TNFRSF13B: variants seen among roughly 807,000 people sequenced by gnomAD.
TNFRSF13B encodes TNF receptor superfamily member 13B, also known as tumor necrosis factor receptor superfamily member 13B.
TNFRSF13B carries 34 observed loss-of-function variants against 24.0 expected under a neutral mutation model. The observed-to-expected ratio is 1.41, with a 90% CI of 1.08 to 1.88. The LOEUF is 1.88. Ranked by LOEUF, TNFRSF13B falls within the 40% of genes most tolerant of loss-of-function variation. The pLI is 0.00. For missense variants in TNFRSF13B, 415 were observed against 380.8 expected (o/e 1.09, Z -0.75); for synonymous variants, 173 against 150.3 (o/e 1.15, Z -1.10).
At position 16,939,374 on chromosome 17, in the gene TNFRSF13B, C is replaced by CTCTCTGCCTCTCTTCCT. The variant is rs2087488951; in HGVS notation, c.*172_*173insAGGAAGAGAGGCAGAGA. 9.5e-6 allele frequency: 7 copies of CTCTCTGCCTCTCTTCCT among 739,364 alleles called. No individual in the cohort carries two copies. In the Admixed American group the frequency reaches 1.4e-4, roughly 14 times the overall value. The allele number at this position is 739,364 out of a possible 1,614,324, so 45.8% of individuals were successfully genotyped here. ...CTCTTTCCCTCTCTGCCTCTCTTCCCCTCTGTCTCTCTCTCCCTCTGTCTC... is the reference window on the plus strand; with the variant it reads ...CTCTTTCCCTCTCTGCCTCTCTTCCCTCTCTGCCTCTCTTCCTCTCTGTCTCTCTCTCCCTCTGTCTC... On this transcript the variant is annotated 3_prime_UTR_variant, in exon 5 of 5. Transcript: ENST00000261652.
intron 2 of TNFRSF13B, 127 bp downstream of exon 2, chr17:16,952,319 G>A: frequency 7.3e-7 from 1 of 1,368,256 alleles, no homozygotes; most frequent in Non-Finnish European, 1.0e-6. Flanking sequence ...GGGGTAAGAG[G>A]TGCCACACTG....
chr17:16,971,969 C>G, intron 1 of TNFRSF13B, 46 bp downstream of exon 1: 1 of 1,608,248 alleles, frequency 6.2e-7, no homozygotes, highest in East Asian at 2.2e-5. Flanking sequence ...CCCAACCCTC[C>G]TCACACCTCC....
chr17:16,962,535 AAAG>A (rs975341034), intron 1 of TNFRSF13B, among the ~76,000 whole-genome samples: 3 of 152,078 alleles, frequency 2.0e-5, no homozygotes, highest in African/African-American at 7.3e-5. Flanking sequence ...AAGAAAAAAA[AAAG>A]AAAGGAAAAG....
intron 1 of TNFRSF13B, among the ~76,000 whole-genome samples, chr17:16,968,636 C>T (rs1465752812): frequency 6.6e-6 from 1 of 152,182 alleles, no homozygotes; most frequent in Non-Finnish European, 1.5e-5. Context: ...AGTAAATCTT[C>T]ATGATTTGAG....
intron 3 of TNFRSF13B, among the ~76,000 whole-genome samples, chr17:16,946,910 C>T (rs572110842): frequency 3.9e-5 from 6 of 152,150 alleles, no homozygotes; most frequent in African/African-American, 1.4e-4. Flanking sequence ...AATTTTTTTT[C>T]CCTCTGGCAG....
chr17:16,939,377 CTG>C lies in TNFRSF13B; in HGVS notation c.*168_*169del. ...TTTCCCTCTCTGCCTCTCTTCCCCTCTGTCTCTCTCTCCCTCTGTCTCTCTCT... is the reference window on the plus strand; with the variant it reads ...TTTCCCTCTCTGCCTCTCTTCCCCTCTCTCTCTCTCCCTCTGTCTCTCTCT... On this transcript the variant is annotated 3_prime_UTR_variant, in exon 5 of 5. Transcript: ENST00000261652. The C allele has an allele frequency of 1.0e-5, 8 of 778,296 alleles. No individual in the cohort carries two copies. Among genetic ancestry groups the C allele is most frequent in the Non-Finnish European group, 1.3e-5 (7 of 520,016 alleles). The allele number at this position is 778,296 out of a possible 1,614,324, so 48.2% of individuals were successfully genotyped here.
chr17:16,952,671 C>G, intron 1 of TNFRSF13B, 88 bp from the exon 2 acceptor site: 1 of 1,588,368 alleles, frequency 6.3e-7, no homozygotes, highest in East Asian at 2.3e-5. Context: ...CCTCTCCTGC[C>G]CACATTCGCA....
At chr17:16,955,932 T>C in intron 1 of TNFRSF13B, among the ~76,000 whole-genome samples, 1 of 152,248 alleles carries the variant, frequency 6.6e-6, no homozygotes, top group East Asian at 1.9e-4. Flanking sequence ...AGGACCCTTG[T>C]CCGCCAAATA....
At chr17:16,962,834 C>T (rs550915516) in intron 1 of TNFRSF13B, among the ~76,000 whole-genome samples, 9 of 152,200 alleles carry the variant, frequency 5.9e-5, no homozygotes, top group South Asian at 2.1e-4. Context: ...CAACTGAAAA[C>T]GCACCCCTCC....
At chr17:16,948,667 G>A in intron 3 of TNFRSF13B, 71 bp downstream of exon 3, 1 of 1,608,304 alleles carries the variant, frequency 6.2e-7, no homozygotes, top group Non-Finnish European at 8.5e-7. Context: ...TCCTGTTCTA[G>A]GCCTGGCATC....
chr17:16,945,418 G>A (rs1161203138), intron 3 of TNFRSF13B, among the ~76,000 whole-genome samples: 1 of 152,182 alleles, frequency 6.6e-6, no homozygotes, highest in East Asian at 1.9e-4. Context: ...GTTGCAGAGG[G>A]GACAAACTTT....
intron 1 of TNFRSF13B, among the ~76,000 whole-genome samples, chr17:16,953,291 G>A (rs138887078): frequency 6.8e-4 from 104 of 152,356 alleles, no homozygotes; most frequent in African/African-American, 2.4e-3. Flanking sequence ...CTAGCACACA[G>A]CAAGAACCAA....
At chr17:16,957,699 T>C (rs2087634429) in intron 1 of TNFRSF13B, among the ~76,000 whole-genome samples, 2 of 152,306 alleles carry the variant, frequency 1.3e-5, no homozygotes, top group East Asian at 1.9e-4. Context: ...AAATGATATA[T>C]TTAAAGTCCT....
Position 16,971,308 on chromosome 17 carries a change from C to T in TNFRSF13B, c.61+707G>A, listed in dbSNP as rs145425595. ...AGGTTGCAGAAAGCCGAGATCATGCCATTGCACTCCAACCTGGGTGACAGA... is the reference window on the plus strand; with the variant it reads ...AGGTTGCAGAAAGCCGAGATCATGCTATTGCACTCCAACCTGGGTGACAGA... On this transcript the variant is annotated intron_variant, in intron 1 of 4. Transcript: ENST00000261652. Among the ~76,000 whole-genome samples the T allele has an allele frequency of 3.1e-4, 47 of 151,730 alleles. No homozygotes were observed. The East Asian group carries it at 9.1e-3, about 29-fold the overall frequency.
intron 3 of TNFRSF13B, chr17:16,941,008 C>T: frequency 5.6e-6 from 5 of 891,800 alleles, no homozygotes; most frequent in Non-Finnish European, 6.9e-6. Flanking sequence ...GACGGCCTGG[C>T]ATTTGCATAT....
intron 3 of TNFRSF13B, chr17:16,941,119 T>C: frequency 1.4e-6 from 1 of 691,806 alleles, no homozygotes; most frequent in Non-Finnish European, 1.8e-6. Context: ...TACTGTATTG[T>C]TTAGGGATAA....
intron 1 of TNFRSF13B, among the ~76,000 whole-genome samples, chr17:16,958,914 C>T (rs2087643122): frequency 6.6e-6 from 1 of 151,906 alleles, no homozygotes; most frequent in Non-Finnish European, 1.5e-5. Context: ...AACTACCAGA[C>T]ACATAAATAA....
chr17:16,964,008 TG>T (rs1331008331), intron 1 of TNFRSF13B, among the ~76,000 whole-genome samples: 1 of 151,614 alleles, frequency 6.6e-6, no homozygotes, highest in Non-Finnish European at 1.5e-5. Context: ...GGGATGTGCA[TG>T]GGAATGGATG....
In TNFRSF13B at chr17:16,939,164, T is replaced by C. The variant is rs1295932312; in HGVS notation, c.*383A>G. ...CTGTGAGCAGCAGGCACGAGGACTT[T>C]ATTGCACGTGTGGTTAGGTGATGAC... On this transcript the variant is annotated 3_prime_UTR_variant, in exon 5 of 5. Transcript: ENST00000261652. 5.5e-6 allele frequency: 1 copy of C among 183,054 alleles called. No homozygotes were observed. The highest frequency in any genetic ancestry group is 2.4e-5 in the African/African-American group (1 of 42,404). 11.3% of individuals were successfully genotyped at this position (183,054 alleles called of 1,614,324 possible). A position where few individuals can be genotyped will look rare whatever the true frequency, so the allele number is the denominator to read the frequency against.
Sources: gnomAD v4.1 joint callset for allele counts (sites outside exome capture counted in the v4.1 genomes callset) on GRCh38, gnomAD v4.1.1 for gene constraint, MANE v1.5 for transcripts, NCBI Gene and HGNC (gene_info 2026-07-23, HGNC 2026-07-21) for gene names.